RRP15: variants seen among roughly 807,000 people sequenced by gnomAD.
RRP15 encodes RRP15-like protein.
A neutral mutation model predicts 27.1 loss-of-function variants in RRP15; 18 were observed. That is an observed-to-expected ratio of 0.66 (90% confidence interval 0.46 to 0.98). The LOEUF is 0.98. Among genes scored for constraint, RRP15 ranks in the 50% least tolerant of loss-of-function variants. The pLI is 0.00. For missense variants in RRP15, 359 were observed against 337.8 expected, an observed-to-expected ratio of 1.06 and a Z score of -0.49; for synonymous variants, 107 against 109.4, an observed-to-expected ratio of 0.98 and a Z score of 0.14.
rs982837858 is a variant in RRP15, at chr1:218,337,796, G to A, written c.*6705G>A. 2 of 152,092 alleles carry A rather than the reference G, an allele frequency of 1.3e-5. No homozygotes were observed. Among genetic ancestry groups the A allele is most frequent in the South Asian group, 2.1e-4 (1 of 4,816 alleles). 9.4% of individuals were successfully genotyped at this position (152,092 alleles called of 1,614,324 possible). A position where few individuals can be genotyped will look rare whatever the true frequency, so the allele number is the denominator to read the frequency against. On this transcript the variant is annotated 3_prime_UTR_variant, in exon 5 of 5. Transcript: ENST00000366932. ...CAAACTCTACATACTGTTTAATAGA[G>A]CATTATTGATATTAGCTGTATTAGA...
rs1656406023 is a variant in RRP15 at position 218,333,589 on chromosome 1, C to G, written c.*2498C>G. The G allele has an allele frequency of 6.6e-6, 1 of 152,392 alleles. No homozygotes were observed. The highest frequency in any genetic ancestry group is 1.5e-5 in the Non-Finnish European group (1 of 68,228). 9.4% of individuals were successfully genotyped at this position (152,392 alleles called of 1,614,324 possible). On this transcript the variant is annotated 3_prime_UTR_variant, in exon 5 of 5. Transcript: ENST00000366932. ...TCAGCTCACTGCAACCTCCACCTCCCAGGTTCCAGCTATCCTCCCACCTCA... is the reference window on the plus strand; with the variant it reads ...TCAGCTCACTGCAACCTCCACCTCCGAGGTTCCAGCTATCCTCCCACCTCA...
At chr1:218,294,126 A>G (rs895014342) in intron 1 of RRP15, among the ~76,000 whole-genome samples, 1 of 152,092 alleles carries the variant, frequency 6.6e-6, no homozygotes, top group Non-Finnish European at 1.5e-5. Context: ...AAAAAACACC[A>G]CTCAGTGTGC....
chr1:218,323,904 G>T (rs776930931), intron 4 of RRP15, among the ~76,000 whole-genome samples: 4 of 152,180 alleles, frequency 2.6e-5, no homozygotes, highest in African/African-American at 9.6e-5. Flanking sequence ...GGCAGTGGGA[G>T]AAGATACTTC....
chr1:218,333,611 C>T lies in RRP15; in HGVS notation c.*2520C>T, dbSNP rs1473418357. On this transcript the variant is annotated 3_prime_UTR_variant, in exon 5 of 5. Transcript: ENST00000366932. ...TCCCAGGTTCCAGCTATCCTCCCAC[C>T]TCAGCCTCCCAAGTAGCTAGGACTA... 6.6e-6 allele frequency: 1 copy of T among 152,558 alleles called. No homozygotes were observed. Among genetic ancestry groups the T allele is most frequent in the African/African-American group, 2.4e-5 (1 of 41,456 alleles). The allele number at this position is 152,558 out of a possible 1,614,324, so 9.5% of individuals were successfully genotyped here.
chr1:218,329,237 C>CAAAAAAAAAAAAAAAAAAAAAAAA (rs1164512474), intron 4 of RRP15, among the ~76,000 whole-genome samples: 1 of 53,552 alleles, frequency 1.9e-5, no homozygotes, highest in Non-Finnish European at 3.3e-5. Flanking sequence ...CCTGTCTCTA[C>CAAAAAAAAAAAAAAAAAAAAAAAA]AAAAAAAAAA....
At chr1:218,292,562 G>A (rs1483176083) in intron 1 of RRP15, among the ~76,000 whole-genome samples, 2 of 151,898 alleles carry the variant, frequency 1.3e-5, no homozygotes, top group African/African-American at 2.4e-5. Context: ...ACTGCTCTAA[G>A]CATGTCTGTG....
At chr1:218,299,845 A>G (rs1403743593) in intron 1 of RRP15, among the ~76,000 whole-genome samples, 1 of 152,146 alleles carries the variant, frequency 6.6e-6, no homozygotes, top group African/African-American at 2.4e-5. Context: ...ATATTCTTCA[A>G]ACTTTGTTTT....
intron 4 of RRP15, among the ~76,000 whole-genome samples, chr1:218,321,927 T>C (rs561547163): frequency 2.0e-5 from 3 of 152,288 alleles, no homozygotes; most frequent in African/African-American, 7.2e-5. Context: ...TGGTAAATCA[T>C]ATTTATGGAA....
chr1:218,287,859 A>T (rs1194436811), intron 1 of RRP15, among the ~76,000 whole-genome samples: 1 of 152,202 alleles, frequency 6.6e-6, no homozygotes, highest in African/African-American at 2.4e-5. Flanking sequence ...GTTTTGTTGA[A>T]TAAATGTATA....
In RRP15 at chr1:218,337,866, T is replaced by C. The variant is rs1291305650; in HGVS notation, c.*6775T>C. The C allele has an allele frequency of 1.3e-5, 2 of 152,186 alleles. No homozygotes were observed. The highest frequency in any genetic ancestry group is 4.8e-5 in the African/African-American group (2 of 41,448). 9.4% of individuals were successfully genotyped at this position (152,186 alleles called of 1,614,324 possible). On this transcript the variant is annotated 3_prime_UTR_variant, in exon 5 of 5. Transcript: ENST00000366932. The stretch of plus-strand genomic sequence containing the variant: ...GTTTGCTAGAATCCTACTTTATCTT[T>C]TAAGTTTTGCTAATTACCCTGCAAT...
rs574515051 is a variant in RRP15, at chr1:218,307,943, A to G, written c.705+311A>G. 2.6e-4 allele frequency among the ~76,000 whole-genome samples: 39 copies of G among 151,948 alleles called. 1 individual carries two copies. The South Asian group carries it at 7.7e-3, about 30-fold the overall frequency. On this transcript the variant is annotated intron_variant, in intron 4 of 4. Coordinates refer to ENST00000366932, the MANE Select transcript of RRP15 (RefSeq NM_016052.4). Reference sequence around the variant, plus strand: ...TTTTAGGAAATAATGGTAGAAAGTCATTCTTGCATTGAGGCATCTTTAGTG... The same window carrying G: ...TTTTAGGAAATAATGGTAGAAAGTCGTTCTTGCATTGAGGCATCTTTAGTG...
At chr1:218,304,329 C>G (rs1285423449) in intron 2 of RRP15, among the ~76,000 whole-genome samples, 1 of 152,154 alleles carries the variant, frequency 6.6e-6, no homozygotes, top group African/African-American at 2.4e-5. Flanking sequence ...CATGAACATG[C>G]AATGTATCAA....
At chr1:218,319,515 A>G (rs1383711771) in intron 4 of RRP15, among the ~76,000 whole-genome samples, 1 of 152,066 alleles carries the variant, frequency 6.6e-6, no homozygotes. Flanking sequence ...GCATGACCTC[A>G]TTTTCTTTGA....
At position 218,337,755 on chromosome 1, in the gene RRP15, A is replaced by T. The variant is rs1656471563; in HGVS notation, c.*6664A>T. The T allele has an allele frequency of 6.6e-6, 1 of 152,126 alleles. No individual in the cohort carries two copies. Among genetic ancestry groups the T allele is most frequent in the South Asian group, 2.1e-4 (1 of 4,822 alleles). 9.4% of individuals were successfully genotyped at this position (152,126 alleles called of 1,614,324 possible). A position where few individuals can be genotyped will look rare whatever the true frequency, so the allele number is the denominator to read the frequency against. ...AACAGTTTTTATTTTTTGCTTACTTATTCTGTTCTAGAATCCAAACTCTAC... is the reference window on the plus strand; with the variant it reads ...AACAGTTTTTATTTTTTGCTTACTTTTTCTGTTCTAGAATCCAAACTCTAC... On this transcript the variant is annotated 3_prime_UTR_variant, in exon 5 of 5. Coordinates refer to ENST00000366932, the MANE Select transcript of RRP15 (RefSeq NM_016052.4).
At chr1:218,293,162 C>T (rs978259163) in intron 1 of RRP15, among the ~76,000 whole-genome samples, 2 of 151,570 alleles carry the variant, frequency 1.3e-5, no homozygotes, top group African/African-American at 4.8e-5. Context: ...ATAATTGGGA[C>T]CATAGGTGCA....
At position 218,330,975 on chromosome 1, in the gene RRP15, G is replaced by C; in HGVS notation, c.733G>C (p.Gly245Arg). The C allele has an allele frequency of 6.2e-7, 1 of 1,613,156 alleles. No individual in the cohort carries two copies. Among genetic ancestry groups the C allele is most frequent in the Non-Finnish European group, 8.5e-7 (1 of 1,179,326 alleles). The change falls in exon 5 of 5, where the codon GGT (glycine) becomes CGT (arginine). Residue 245 changes from glycine to arginine, a missense_variant. Gly to Arg is a moderately radical substitution (Grantham distance 125). Transcript: ENST00000366932. ...TGAAGTGAAATCAGAAGAAGGCCCA[G>C]GTTGGACGATCCTACGTGATGATTT... is the stretch of plus-strand genomic sequence containing the variant. ...QTEVKSEEGP[G>R]WTILRDDFMM...
chr1:218,322,492 G>T (rs928177081), intron 4 of RRP15, among the ~76,000 whole-genome samples: 1 of 151,096 alleles, frequency 6.6e-6, no homozygotes, highest in Non-Finnish European at 1.5e-5. Flanking sequence ...CTTAGGATTT[G>T]TGGAAATGGT....
chr1:218,287,066 C>T lies in RRP15; in HGVS notation c.139+1611C>T, dbSNP rs555460441. 2.6e-5 allele frequency among the ~76,000 whole-genome samples: 4 copies of T among 151,416 alleles called. No homozygotes were observed. In the South Asian group the frequency reaches 6.3e-4, roughly 24 times the overall value. On this transcript the variant is annotated intron_variant, in intron 1 of 4. Transcript: ENST00000366932. ...CCTCCTCCCCCACCGCCCCCCAAAG[C>T]GATCCTCTTGCTTCAGCTTCCCCAG...
In RRP15 at chr1:218,300,141, T is replaced by G. The variant is rs190418889; in HGVS notation, c.140-2153T>G. On this transcript the variant is annotated intron_variant, in intron 1 of 4. Coordinates refer to ENST00000366932, the MANE Select transcript of RRP15 (RefSeq NM_016052.4). ...CAAATTAAATGTTTTCATTAATTTT[T>G]TTGTCTTTATTAAGAAATATGCAGC... 1.4e-4 allele frequency among the ~76,000 whole-genome samples: 21 copies of G among 152,258 alleles called. No homozygotes were observed. In the East Asian group the frequency reaches 4.0e-3, roughly 29 times the overall value.
Sources: allele counts gnomAD v4.1 joint callset (sites outside exome capture counted in the v4.1 genomes callset), GRCh38; gene constraint gnomAD v4.1.1; transcripts MANE v1.5; gene names NCBI Gene and HGNC (gene_info 2026-07-23, HGNC 2026-07-21).